Variants in SEMA6A observed in about 807,000 individuals in gnomAD.
The protein encoded by SEMA6A is semaphorin 6A.
SEMA6A carries 25 observed loss-of-function variants against 96.8 expected under a neutral mutation model. The observed-to-expected ratio is 0.26, with a 90% CI of 0.19 to 0.36. The LOEUF is 0.36. Ranked by LOEUF, SEMA6A falls within the 10% of genes least tolerant of loss-of-function variation. SEMA6A has a pLI of 1.00. For synonymous variants in SEMA6A, 612 were observed against 518.0 expected (o/e 1.18, Z -2.46); for missense variants, 1,363 against 1,323.1 (o/e 1.03, Z -0.47).
At chr5:116,569,851 T>G (rs1761139953) in intron 1 of SEMA6A, among the ~76,000 whole-genome samples, 1 of 152,150 alleles carries the variant, frequency 6.6e-6, no homozygotes, top group South Asian at 2.1e-4. Context: ...GAATTAGGTT[T>G]TTTAAACCTA....
chr5:116,526,644 G>C (rs990750027), intron 1 of SEMA6A, among the ~76,000 whole-genome samples: 1 of 152,066 alleles, frequency 6.6e-6, no homozygotes, highest in Non-Finnish European at 1.5e-5. Flanking sequence ...TTTCCAAGGG[G>C]CTTATATTAC....
intron 1 of SEMA6A, among the ~76,000 whole-genome samples, chr5:116,519,695 A>C (rs1286731701): frequency 6.6e-6 from 1 of 150,528 alleles, no homozygotes; most frequent in Middle Eastern, 3.4e-3. Context: ...ACACACACGC[A>C]CACACATACA....
intron 1 of SEMA6A, among the ~76,000 whole-genome samples, chr5:116,542,116 G>A (rs1232010265): frequency 6.6e-6 from 1 of 152,100 alleles, no homozygotes; most frequent in Non-Finnish European, 1.5e-5. Context: ...CTCTTCATTT[G>A]AGATACAGAA....
intron 18 of SEMA6A, among the ~76,000 whole-genome samples, chr5:116,454,799 TGTGTGTGTGTGCATGTGTGTGTGCGC>T (rs1192190937): frequency 2.0e-5 from 3 of 150,324 alleles, no homozygotes; most frequent in South Asian, 2.1e-4. Context: ...AGTGTGTGTG[TGTGTGTGTGTGCATGTGTGTGTGCGC>T]GTGTGTGTGT....
chr5:116,552,240 G>A (rs1312749331), intron 1 of SEMA6A, among the ~76,000 whole-genome samples: 1 of 103,610 alleles, frequency 9.7e-6, no homozygotes, highest in Non-Finnish European at 2.1e-5. Flanking sequence ...AAAGGATTTT[G>A]TAGTCAATCA....
At chr5:116,480,336 CT>C in intron 11 of SEMA6A, 59 bp from the exon 12 acceptor site, 1 of 1,592,700 alleles carries the variant, frequency 6.3e-7, no homozygotes. Flanking sequence ...ATGGCAAATT[CT>C]TTGAATGAAC....
intron 1 of SEMA6A, among the ~76,000 whole-genome samples, chr5:116,538,956 A>G (rs1759844270): frequency 6.6e-6 from 1 of 152,078 alleles, no homozygotes; most frequent in Non-Finnish European, 1.5e-5. Context: ...TTTTTTGTAA[A>G]TAAATTATTG....
intron 6 of SEMA6A, among the ~76,000 whole-genome samples, chr5:116,492,702 A>AAATT (rs1384922928): frequency 1.3e-5 from 2 of 152,202 alleles, no homozygotes; most frequent in Non-Finnish European, 2.9e-5. Context: ...TGTGTTATAA[A>AAATT]AATTAATATA....
At chr5:116,506,442 AAG>A (rs1457134227) in intron 1 of SEMA6A, among the ~76,000 whole-genome samples, 1 of 152,218 alleles carries the variant, frequency 6.6e-6, no homozygotes, top group East Asian at 1.9e-4. Flanking sequence ...AACCATTATG[AAG>A]AGACATAAAC....
chr5:116,533,465 G>C (rs1185770114), intron 1 of SEMA6A, among the ~76,000 whole-genome samples: 1 of 152,124 alleles, frequency 6.6e-6, no homozygotes, highest in South Asian at 2.1e-4. Context: ...GGGGAAGGGG[G>C]TTCTGGTTGA....
rs959389233 is a variant in SEMA6A at position 116,502,439 on chromosome 5, C to T, written c.101-112G>A. The T allele has an allele frequency of 1.0e-5, 8 of 785,928 alleles. No homozygotes were observed. The African/African-American group carries it at 1.0e-4, about 10-fold the overall frequency. The allele number at this position is 785,928 out of a possible 1,614,324, so 48.7% of individuals were successfully genotyped here. A position where few individuals can be genotyped will look rare whatever the true frequency, so the allele number is the denominator to read the frequency against. ...AAAGAAACCCGTGTTTAAGTCAGACCATGCCACCATTTTCCATTTCCATAT... is the reference window on the plus strand; with the variant it reads ...AAAGAAACCCGTGTTTAAGTCAGACTATGCCACCATTTTCCATTTCCATAT... On this transcript the variant is annotated intron_variant, in intron 2 of 18. Coordinates refer to ENST00000343348, the MANE Select transcript of SEMA6A (RefSeq NM_020796.5).
At chr5:116,458,530 C>G (rs1162761399) in intron 18 of SEMA6A, among the ~76,000 whole-genome samples, 1 of 151,924 alleles carries the variant, frequency 6.6e-6, no homozygotes, top group African/African-American at 2.4e-5. Context: ...TTTTAATACC[C>G]TAAGGTTTAA....
rs529511516 is a variant in SEMA6A, at chr5:116,443,667, T to C, written c.*2946A>G. ...TTCTTTTCTTACAACATACATTAAGTCGTGAATCAGATGTTAGGGGATGTG... is the reference window on the plus strand; with the variant it reads ...TTCTTTTCTTACAACATACATTAAGCCGTGAATCAGATGTTAGGGGATGTG... On this transcript the variant is annotated 3_prime_UTR_variant, in exon 19 of 19. Coordinates refer to ENST00000343348, the MANE Select transcript of SEMA6A (RefSeq NM_020796.5). The C allele has an allele frequency of 1.3e-5, 2 of 152,658 alleles. No homozygotes were observed. Among genetic ancestry groups the C allele is most frequent in the South Asian group, 4.1e-4 (2 of 4,822 alleles). 9.5% of individuals were successfully genotyped at this position (152,658 alleles called of 1,614,324 possible). A position where few individuals can be genotyped will look rare whatever the true frequency, so the allele number is the denominator to read the frequency against.
At chr5:116,495,669 A>T (rs1054291212) in intron 5 of SEMA6A, 155 bp from the exon 6 acceptor site, 1 of 580,786 alleles carries the variant, frequency 1.7e-6, no homozygotes, top group African/African-American at 1.9e-5. Flanking sequence ...GTTAACCACA[A>T]GATGATGCCG....
At chr5:116,454,004 CCT>C (rs1754821604) in intron 18 of SEMA6A, among the ~76,000 whole-genome samples, 1 of 152,172 alleles carries the variant, frequency 6.6e-6, no homozygotes, top group Non-Finnish European at 1.5e-5. Context: ...CAACCAGTAA[CCT>C]AACTCGAAAT....
chr5:116,507,498 G>T (rs1020891715), intron 1 of SEMA6A, among the ~76,000 whole-genome samples: 4 of 152,276 alleles, frequency 2.6e-5, no homozygotes, highest in Admixed American at 2.6e-4. Context: ...CAGCCCAGGA[G>T]AACAAAAACC....
chr5:116,569,284 G>C (rs1343645036), intron 1 of SEMA6A, among the ~76,000 whole-genome samples: 1 of 152,148 alleles, frequency 6.6e-6, no homozygotes, highest in African/African-American at 2.4e-5. Flanking sequence ...AAATCATGTA[G>C]CTATCTGGGG....
intron 4 of SEMA6A, 34 bp from the exon 5 acceptor site, chr5:116,496,347 C>T: frequency 6.3e-7 from 1 of 1,595,558 alleles, no homozygotes; most frequent in East Asian, 2.2e-5. Flanking sequence ...AATTAGAGCC[C>T]AGAGGTTGTT....
intron 3 of SEMA6A, chr5:116,499,249 G>A (rs1366430802): frequency 6.6e-6 from 1 of 152,150 alleles, no homozygotes; most frequent in African/African-American, 2.4e-5. Context: ...ACAGACCAGG[G>A]TCAGGGGTCA....
Sources: gnomAD v4.1 joint callset for allele counts (sites outside exome capture counted in the v4.1 genomes callset) on GRCh38, gnomAD v4.1.1 for gene constraint, MANE v1.5 for transcripts, NCBI Gene and HGNC (gene_info 2026-07-23, HGNC 2026-07-21) for gene names.